DHRSX: variants seen among roughly 807,000 people sequenced by gnomAD.
DHRSX encodes dehydrogenase/reductase X-linked.
A neutral mutation model predicts 34.0 loss-of-function variants in DHRSX; 31 were observed. That is an observed-to-expected ratio of 0.91 (90% confidence interval 0.69 to 1.23). The LOEUF (loss-of-function observed/expected upper bound fraction) is 1.23, where lower values mean the gene tolerates loss of function less well. Among genes scored for constraint, DHRSX ranks in the 50% most tolerant of loss-of-function variants. DHRSX has a pLI of 0.00. For synonymous variants in DHRSX, 201 were observed against 183.8 expected, an observed-to-expected ratio of 1.09 and a Z score of -0.76; for missense variants, 414 against 428.1, an observed-to-expected ratio of 0.97 and a Z score of 0.29.
At chrX:2,382,273 T>C (rs1280162328) in intron 3 of DHRSX, among the ~76,000 whole-genome samples, 1 of 151,988 alleles carries the variant, frequency 6.6e-6, no homozygotes, top group Non-Finnish European at 1.5e-5. Context: ...GAGGGCAGAG[T>C]TGAGGGTGTC....
At chrX:2,478,653 A>G (rs28532987) in intron 1 of DHRSX, among the ~76,000 whole-genome samples, 45,015 of 148,202 alleles carry the variant, frequency 0.3, 7,163 homozygotes, top group African/African-American at 0.42. Context: ...TAAGAATGAC[A>G]CCAGGGGACT....
In DHRSX at chrX:2,434,849, C is replaced by A. The variant is rs772234058; in HGVS notation, c.110-9545G>T. Among the ~76,000 whole-genome samples, 328 of 152,208 alleles carry A rather than the reference C, an allele frequency of 2.2e-3. 1 individual carries two copies. Among genetic ancestry groups the A allele is most frequent in the African/African-American group, 7.5e-3 (310 of 41,546 alleles). ...AGTTTCATCGCCATTTTATAAAAGA[C>A]TTTTTGCAGGTGTTACTTAAAAAGA... On this transcript the variant is annotated intron_variant, in intron 1 of 6. Coordinates refer to ENST00000334651, the MANE Select transcript of DHRSX (RefSeq NM_145177.3).
intron 3 of DHRSX, among the ~76,000 whole-genome samples, chrX:2,340,110 G>A (rs1051455020): frequency 6.6e-6 from 1 of 150,892 alleles, no homozygotes; most frequent in East Asian, 1.9e-4. Context: ...AACACCACAT[G>A]TTCTCACTCA....
intron 6 of DHRSX, among the ~76,000 whole-genome samples, chrX:2,224,883 A>C (rs1266318298): frequency 2.2e-5 from 3 of 137,658 alleles, no homozygotes; most frequent in Non-Finnish European, 4.6e-5. Context: ...GCTCACACGC[A>C]CACATGCTCA....
intron 3 of DHRSX, among the ~76,000 whole-genome samples, chrX:2,318,906 AC>A (rs1473971938): frequency 1.3e-5 from 2 of 151,830 alleles, no homozygotes. Flanking sequence ...CAGGATCAAG[AC>A]CCCTTTCCAG....
intron 1 of DHRSX, among the ~76,000 whole-genome samples, chrX:2,479,008 T>G (rs952634082): frequency 6.6e-6 from 1 of 150,590 alleles, no homozygotes; most frequent in Non-Finnish European, 1.5e-5. Flanking sequence ...ATGGCCACCA[T>G]GTACACACTG....
chrX:2,283,900 TCCTTTG>T (rs2041766694), intron 4 of DHRSX, among the ~76,000 whole-genome samples: 1 of 32,306 alleles, frequency 3.1e-5, no homozygotes, highest in South Asian at 6.4e-4. Flanking sequence ...ATTCGTTCAT[TCCTTTG>T]AATTCACTCA....
At chrX:2,488,764 C>A (rs1408630574) in intron 1 of DHRSX, 1 of 1,613,966 alleles carries the variant, frequency 6.2e-7, no homozygotes, top group South Asian at 1.1e-5. Context: ...CTGCCCCACT[C>A]CGGGCGTTCT....
intron 3 of DHRSX, among the ~76,000 whole-genome samples, chrX:2,295,588 A>G (rs1032072595): frequency 3.9e-5 from 6 of 152,164 alleles, no homozygotes; most frequent in African/African-American, 1.4e-4. Flanking sequence ...CCAAAAAAAC[A>G]AGAAGAAAAG....
intron 1 of DHRSX, among the ~76,000 whole-genome samples, chrX:2,430,121 A>G (rs935652306): frequency 6.6e-6 from 1 of 151,920 alleles, no homozygotes; most frequent in African/African-American, 2.4e-5. Context: ...AGGCCATGGA[A>G]AGATGCCCTC....
intron 1 of DHRSX, among the ~76,000 whole-genome samples, chrX:2,449,333 C>T (rs1569502598): frequency 6.6e-6 from 1 of 152,160 alleles, no homozygotes; most frequent in Non-Finnish European, 1.5e-5. Context: ...TTGGTGAGAT[C>T]AGGCTGTCCC....
At chrX:2,443,207 A>C (rs902685480) in intron 1 of DHRSX, among the ~76,000 whole-genome samples, 6 of 151,512 alleles carry the variant, frequency 4.0e-5, no homozygotes, top group Non-Finnish European at 8.8e-5. Context: ...ATTTTTTTTA[A>C]ATTTTATATA....
chrX:2,353,175 C>A (rs757730161), intron 3 of DHRSX, among the ~76,000 whole-genome samples: 1 of 152,218 alleles, frequency 6.6e-6, no homozygotes, highest in Admixed American at 6.5e-5. Context: ...AGCCCGGAGG[C>A]AGAAATTGCA....
At chrX:2,432,868 A>T (rs1043617265) in intron 1 of DHRSX, among the ~76,000 whole-genome samples, 1 of 152,214 alleles carries the variant, frequency 6.6e-6, no homozygotes, top group African/African-American at 2.4e-5. Context: ...TCATGCCTGT[A>T]ATCCCAGCAC....
chrX:2,472,891 G>C (rs2044615283), intron 1 of DHRSX, among the ~76,000 whole-genome samples: 1 of 152,100 alleles, frequency 6.6e-6, no homozygotes, highest in Non-Finnish European at 1.5e-5. Context: ...CCAAAGGCAG[G>C]ACTTCACGTT....
At chrX:2,262,923 C>A (rs773649239) in intron 5 of DHRSX, among the ~76,000 whole-genome samples, 2 of 152,242 alleles carry the variant, frequency 1.3e-5, no homozygotes, top group Non-Finnish European at 1.5e-5. Flanking sequence ...GCCCTCCCTT[C>A]GTTACATCCT....
chrX:2,326,469 G>A (rs1343588672), intron 3 of DHRSX, among the ~76,000 whole-genome samples: 1 of 152,136 alleles, frequency 6.6e-6, no homozygotes, highest in Non-Finnish European at 1.5e-5. Context: ...GTTGTAGTGA[G>A]CCCAGATCGC....
rs369308530 is a variant in DHRSX, at chrX:2,476,779, G to A, written c.109+24038C>T. 1.7e-4 allele frequency among the ~76,000 whole-genome samples: 26 copies of A among 152,228 alleles called. 1 individual carries two copies. Among genetic ancestry groups the A allele is most frequent in the African/African-American group, 6.3e-4 (26 of 41,520 alleles). ...AGCATTTTGGGAGGCCAAAGCAGGCGGATTACCTGAGGTCGGGAGTTCAAG... is the reference window on the plus strand; with the variant it reads ...AGCATTTTGGGAGGCCAAAGCAGGCAGATTACCTGAGGTCGGGAGTTCAAG... On this transcript the variant is annotated intron_variant, in intron 1 of 6. Transcript: ENST00000334651.
At chrX:2,315,437 A>G (rs772848111) in intron 3 of DHRSX, among the ~76,000 whole-genome samples, 1 of 152,240 alleles carries the variant, frequency 6.6e-6, no homozygotes, top group South Asian at 2.1e-4. Context: ...AAGGTGTTGG[A>G]CTTCTGTTCG....
Sources: allele counts gnomAD v4.1 joint callset (sites outside exome capture counted in the v4.1 genomes callset), GRCh38; gene constraint gnomAD v4.1.1; transcripts MANE v1.5; gene names NCBI Gene and HGNC (gene_info 2026-07-23, HGNC 2026-07-21).